CACTIN: variants seen among roughly 807,000 people sequenced by gnomAD.
CACTIN encodes splicing factor Cactin.
A neutral mutation model predicts 84.9 loss-of-function variants in CACTIN; 20 were observed. That is an observed-to-expected ratio of 0.24 (90% CI 0.17 to 0.34). CACTIN has a LOEUF of 0.34. Among genes scored for constraint, CACTIN ranks in the 10% least tolerant of loss-of-function variants. The pLI is 1.00. For missense variants in CACTIN, 897 were observed against 1,117.2 expected, an observed-to-expected ratio of 0.80 and a Z score of 2.81; for synonymous variants, 549 against 467.9, an observed-to-expected ratio of 1.17 and a Z score of -2.24.
rs750030911 is a variant in CACTIN at position 3,614,595 on chromosome 19, G to T, written c.1163-6C>A. On this transcript the variant is annotated splice_polypyrimidine_tract_variant and splice_region_variant and intron_variant, in intron 6 of 9. Transcript: ENST00000429344. Reference sequence around the variant, plus strand: ...GACCCCCTCGCGGCGCTCACCTGCAGCGGGGTGGGGGCATGGGGGGGCGGT... The same window carrying T: ...GACCCCCTCGCGGCGCTCACCTGCATCGGGGTGGGGGCATGGGGGGGCGGT... 1.9e-6 allele frequency: 3 copies of T among 1,593,560 alleles called. No homozygotes were observed. The highest frequency in any genetic ancestry group is 2.3e-5 in the South Asian group (2 of 88,142).
In CACTIN at chr19:3,619,179, G is replaced by A. The variant is rs761643186; in HGVS notation, c.948C>T (p.Ser316=). Reference sequence around the variant, plus strand: ...CCACGGCCAGATCGTCATCCTCAGCGCTGATGTACTTGGCCAGCAGGTCGA... The same window carrying A: ...CCACGGCCAGATCGTCATCCTCAGCACTGATGTACTTGGCCAGCAGGTCGA... ...KPIDLLAKYI[S]AEDDDLAVEM... The change falls in exon 5 of 10, where the codon AGC becomes AGT. Residue 316 remains serine (S), a synonymous_variant. Coordinates refer to ENST00000429344, the MANE Select transcript of CACTIN (RefSeq NM_001080543.2). The A allele has an allele frequency of 2.4e-5, 38 of 1,613,298 alleles. No homozygotes were observed. The highest frequency in any genetic ancestry group is 8.3e-5 in the Admixed American group (5 of 59,944).
At chr19:3,620,997 C>G in intron 2 of CACTIN, 195 bp from the exon 3 acceptor site, 1 of 691,726 alleles carries the variant, frequency 1.4e-6, no homozygotes. Context: ...ATGGAGCCCC[C>G]ACTGGGAGTG....
In CACTIN at chr19:3,613,590, G is replaced by A. The variant is rs1312801934; in HGVS notation, c.1356-4C>T. On this transcript the variant is annotated splice_region_variant and splice_polypyrimidine_tract_variant and intron_variant, in intron 7 of 9. Transcript: ENST00000429344. Reference sequence around the variant, plus strand: ...GTCCTGGTGGCGCTCACGCAGCCTGGGACGCAGAGCCGGGGTCACCCGCAT... The same window carrying A: ...GTCCTGGTGGCGCTCACGCAGCCTGAGACGCAGAGCCGGGGTCACCCGCAT... The A allele has an allele frequency of 6.3e-7, 1 of 1,599,054 alleles. No individual in the cohort carries two copies. The highest frequency in any genetic ancestry group is 1.7e-5 in the Admixed American group (1 of 59,498).
intron 2 of CACTIN, 29 bp from the exon 3 acceptor site, chr19:3,620,831 G>C: frequency 6.4e-7 from 1 of 1,570,262 alleles, no homozygotes; most frequent in Non-Finnish European, 8.7e-7. Flanking sequence ...CCTGCCCTGA[G>C]CACAGACCCG....
chr19:3,626,357 G>A (rs1400040215), intron 1 of CACTIN, among the ~76,000 whole-genome samples: 2 of 152,210 alleles, frequency 1.3e-5, no homozygotes, highest in Non-Finnish European at 1.5e-5. Context: ...TTACCTCCCC[G>A]CCGCCTCGCT....
intron 6 of CACTIN, among the ~76,000 whole-genome samples, chr19:3,618,226 T>C (rs2033148262): frequency 6.8e-6 from 1 of 147,622 alleles, no homozygotes; most frequent in South Asian, 2.1e-4. Flanking sequence ...CAGGGGACTC[T>C]GGGCAACGTC....
chr19:3,624,285 A>C, intron 1 of CACTIN, 123 bp from the exon 2 acceptor site: 1 of 880,062 alleles, frequency 1.1e-6, no homozygotes, highest in Non-Finnish European at 1.7e-6. Flanking sequence ...GCAGTGACCC[A>C]AATACCGATG....
chr19:3,626,513 G>T, intron 1 of CACTIN, 83 bp downstream of exon 1: 1 of 1,248,844 alleles, frequency 8.0e-7, no homozygotes, highest in Non-Finnish European at 1.0e-6. Flanking sequence ...GGGGTTTCCC[G>T]GTTCCCCGGG....
Position 3,619,126 on chromosome 19 carries a change from T to C in CACTIN, c.1001A>G (p.Asn334Ser), listed in dbSNP as rs759237600. Residue 334 changes from asparagine to serine, a missense_variant, in exon 5 of 10, where the codon AAC becomes AGC. Coordinates refer to ENST00000429344, the MANE Select transcript of CACTIN (RefSeq NM_001080543.2). Reference sequence around the variant, plus strand: ...CTCCATGTCGGCCACGGTGAGGCCGTTGAGGAACGTGTAGGGCTCATGCAT... The same window carrying C: ...CTCCATGTCGGCCACGGTGAGGCCGCTGAGGAACGTGTAGGGCTCATGCAT... Reference protein sequence around the residue: ...VEMHEPYTFLNGLTVADMEDL... With the variant: ...VEMHEPYTFLSGLTVADMEDL... 14 of 1,596,030 alleles carry C rather than the reference T, an allele frequency of 8.8e-6. No homozygotes were observed. The highest frequency in any genetic ancestry group is 2.3e-5 in the East Asian group (1 of 43,828).
intron 2 of CACTIN, chr19:3,621,072 G>A (rs73920181): frequency 0.019 from 10,347 of 550,806 alleles, 240 homozygotes; most frequent in African/African-American, 0.078. Context: ...ACTCGGGGCC[G>A]CCCCAACTCC....
At chr19:3,620,487 C>G in intron 3 of CACTIN, 1 of 699,270 alleles carries the variant, frequency 1.4e-6, no homozygotes, top group Admixed American at 2.3e-5. Context: ...CTCTCGGCCA[C>G]CCTGAAGGGA....
rs1288545268 is a variant in CACTIN, at chr19:3,619,134, C to T, written c.993G>A (p.Thr331=). The T allele has an allele frequency of 5.6e-6, 9 of 1,601,368 alleles. No individual in the cohort carries two copies. The highest frequency in any genetic ancestry group is 2.3e-5 in the East Asian group (1 of 44,174). The change falls in exon 5 of 10, where the codon ACG becomes ACA. Residue 331 remains threonine, a synonymous_variant. Transcript: ENST00000429344. ...DLAVEMHEPY[T]FLNGLTVADM... ...CGGCCACGGTGAGGCCGTTGAGGAA[C>T]GTGTAGGGCTCATGCATCTCCACGG...
intron 1 of CACTIN, among the ~76,000 whole-genome samples, 198 bp from the exon 2 acceptor site, chr19:3,624,360 C>T (rs1019624692): frequency 3.9e-5 from 6 of 152,230 alleles, no homozygotes; most frequent in Non-Finnish European, 5.9e-5. Context: ...CAAATAAACA[C>T]ACCACGCAAC....
At position 3,618,957 on chromosome 19, in the gene CACTIN, G is replaced by A. The variant is rs772125562; in HGVS notation, c.1080C>T (p.Ala360=). ...TGGTGGTCATGTCCCGCCAGAAGTC[G>A]GCGTTCTTGCCCTGCTCCAGCTCCA... ...VYMELEQGKN[A]DFWRDMTTIT... Residue 360 remains alanine, a synonymous_variant, in exon 6 of 10, where the codon GCC becomes GCT. Transcript: ENST00000429344. 20 of 1,557,898 alleles carry A rather than the reference G, an allele frequency of 1.3e-5. No homozygotes were observed. In the East Asian group the frequency reaches 1.7e-4, roughly 13 times the overall value.
chr19:3,622,507 C>T (rs2033245122), intron 2 of CACTIN, among the ~76,000 whole-genome samples: 2 of 152,130 alleles, frequency 1.3e-5, no homozygotes, highest in Non-Finnish European at 2.9e-5. Context: ...AGCAGAAGGC[C>T]GTATGGAGAC....
At chr19:3,618,509 C>A (rs924348093) in intron 6 of CACTIN, among the ~76,000 whole-genome samples, 6 of 152,268 alleles carry the variant, frequency 3.9e-5, no homozygotes, top group African/African-American at 1.4e-4. Flanking sequence ...TGAAGCTGGG[C>A]TGCACGGCCT....
At chr19:3,626,545 G>A in intron 1 of CACTIN, 51 bp downstream of exon 1, 2 of 1,312,666 alleles carry the variant, frequency 1.5e-6, no homozygotes, top group East Asian at 3.1e-5. Context: ...TCGGTCGGGC[G>A]CTCCTGAGGT....
At chr19:3,622,568 C>T (rs1010015312) in intron 2 of CACTIN, among the ~76,000 whole-genome samples, 13 of 152,140 alleles carry the variant, frequency 8.5e-5, no homozygotes, top group African/African-American at 1.7e-4. Context: ...CCGGGTTCTG[C>T]GGCTGCAAGC....
rs750352310 is a variant in CACTIN, at chr19:3,626,558, G to A, written c.167+38C>T. 8.8e-6 allele frequency: 12 copies of A among 1,367,916 alleles called. No homozygotes were observed. The East Asian group carries it at 1.5e-4, about 17-fold the overall frequency. The allele number at this position is 1,367,916 out of a possible 1,614,324, so 84.7% of individuals were successfully genotyped here. On this transcript the variant is annotated intron_variant, in intron 1 of 9. Coordinates refer to ENST00000429344, the MANE Select transcript of CACTIN (RefSeq NM_001080543.2). ...CCTCGGTCGGGCGCTCCTGAGGTAG[G>A]AGCCGGATCCCCAGCGCTGCTCCCG...
Sources: allele counts gnomAD v4.1 joint callset (sites outside exome capture counted in the v4.1 genomes callset), GRCh38; gene constraint gnomAD v4.1.1; transcripts MANE v1.5; gene names NCBI Gene and HGNC (gene_info 2026-07-23, HGNC 2026-07-21).